The following AGBL4 variants were observed in gnomAD, a reference collection of about 807,000 sequenced individuals.
AGBL4 encodes the protein AGBL carboxypeptidase 4.
A neutral mutation model predicts 66.4 loss-of-function variants in AGBL4; 58 were observed. The observed-to-expected ratio is 0.87, with a 90% CI of 0.71 to 1.09. The LOEUF (loss-of-function observed/expected upper bound fraction) is 1.09. Ranked by LOEUF, AGBL4 falls within the 50% of genes least tolerant of loss-of-function variation. The pLI is 0.00. For synonymous variants in AGBL4, 234 were observed against 222.9 expected, an observed-to-expected ratio of 1.05 and a Z score of -0.44; for missense variants, 579 against 631.0, an observed-to-expected ratio of 0.92 and a Z score of 0.88.
At position 49,328,879 on chromosome 1, in the gene AGBL4, A is replaced by G. The variant is rs1340656478; in HGVS notation, c.283-83015T>C. Among the ~76,000 whole-genome samples the G allele has an allele frequency of 2.6e-5, 4 of 152,306 alleles. 1 individual carries two copies. In the Middle Eastern group the frequency reaches 0.01, roughly 389 times the overall value. On this transcript the variant is annotated intron_variant, in intron 3 of 13. Transcript: ENST00000371839. ...ATGCAGTGCCCTCTATCCTTGGGCC[A>G]TCTTAGTGTAGGATCTTAATTTCCT... is the stretch of plus-strand genomic sequence containing the variant.
chr1:49,677,742 T>G (rs1646608611), intron 3 of AGBL4, among the ~76,000 whole-genome samples: 1 of 152,094 alleles, frequency 6.6e-6, no homozygotes, highest in South Asian at 2.1e-4. Context: ...AGGGAGGTGA[T>G]TAGCTTTAGA....
intron 3 of AGBL4, among the ~76,000 whole-genome samples, chr1:49,585,697 A>G (rs1644635046): frequency 2.6e-5 from 4 of 152,188 alleles, no homozygotes; most frequent in Admixed American, 2.6e-4. Context: ...CTATTATATA[A>G]TAAATATGCT....
intron 5 of AGBL4, among the ~76,000 whole-genome samples, chr1:48,945,515 G>T (rs2148920676): frequency 6.6e-6 from 1 of 152,140 alleles, no homozygotes; most frequent in Middle Eastern, 3.4e-3. Context: ...AACTTCTTCG[G>T]GCCTTAGATC....
At chr1:48,848,996 A>C (rs991034074) in intron 6 of AGBL4, among the ~76,000 whole-genome samples, 5 of 152,214 alleles carry the variant, frequency 3.3e-5, no homozygotes, top group African/African-American at 1.2e-4. Flanking sequence ...GGTTGTTTAA[A>C]CTTTACCAAA....
chr1:49,186,927 T>A (rs944197844), intron 4 of AGBL4, among the ~76,000 whole-genome samples: 4 of 152,012 alleles, frequency 2.6e-5, no homozygotes, highest in African/African-American at 9.7e-5. Flanking sequence ...TGCTGGAGAT[T>A]AAAACTATGT....
intron 9 of AGBL4, 95 bp downstream of exon 9, chr1:48,634,397 TA>T: frequency 9.8e-7 from 1 of 1,020,498 alleles, no homozygotes; most frequent in Non-Finnish European, 1.4e-6. Context: ...TATGTATTCC[TA>T]ATTTGCAGCT....
chr1:49,898,778 C>T (rs1445250622), intron 1 of AGBL4, among the ~76,000 whole-genome samples: 1 of 152,024 alleles, frequency 6.6e-6, no homozygotes, highest in African/African-American at 2.4e-5. Flanking sequence ...AAAGTACTAT[C>T]CAGCCATAAA....
At chr1:49,415,671 A>G (rs1024302610) in intron 3 of AGBL4, among the ~76,000 whole-genome samples, 1 of 152,156 alleles carries the variant, frequency 6.6e-6, no homozygotes, top group African/African-American at 2.4e-5. Context: ...ATGGATTTTA[A>G]GGAGGTTAAT....
At chr1:48,784,180 C>T (rs981024431) in intron 6 of AGBL4, among the ~76,000 whole-genome samples, 1 of 152,098 alleles carries the variant, frequency 6.6e-6, no homozygotes, top group African/African-American at 2.4e-5. Context: ...ATGAGATAAT[C>T]TATGTAAAAT....
rs12041082 is a variant in AGBL4 at position 48,590,096 on chromosome 1, C to A, written c.1104+737G>T. Among the ~76,000 whole-genome samples the A allele has an allele frequency of 9.9e-5, 15 of 152,192 alleles. No individual in the cohort carries two copies. In the East Asian group the frequency reaches 2.7e-3, roughly 27 times the overall value. On this transcript the variant is annotated intron_variant, in intron 10 of 13. Coordinates refer to ENST00000371839, the MANE Select transcript of AGBL4 (RefSeq NM_032785.4). ...GACCCTGTCTCTACAAAATAAATAA[C>A]TAAATTTTTAAAAATTAGCCAGTAG...
chr1:48,629,647 T>C (rs1645562382), intron 9 of AGBL4, among the ~76,000 whole-genome samples: 1 of 151,810 alleles, frequency 6.6e-6, no homozygotes, highest in Non-Finnish European at 1.5e-5. Context: ...GGGGGTAAAA[T>C]GGGGTAGATG....
chr1:49,825,041 C>A, intron 2 of AGBL4, among the ~76,000 whole-genome samples: 1 of 151,278 alleles, frequency 6.6e-6, no homozygotes, highest in Non-Finnish European at 1.5e-5. Flanking sequence ...AGTAAGTAAC[C>A]ACCCTGATAA....
intron 4 of AGBL4, among the ~76,000 whole-genome samples, chr1:49,243,626 T>G (rs768999062): frequency 5.3e-5 from 8 of 151,800 alleles, no homozygotes; most frequent in Non-Finnish European, 8.9e-5. Context: ...AGATCTTTTA[T>G]AGCATATTCA....
chr1:50,013,613 T>C (rs1361319711), intron 1 of AGBL4, among the ~76,000 whole-genome samples: 2 of 152,318 alleles, frequency 1.3e-5, no homozygotes, highest in East Asian at 3.9e-4. Flanking sequence ...TGGTACATCA[T>C]TGGTAATGAC....
chr1:49,901,700 T>C (rs1649781240), intron 1 of AGBL4, among the ~76,000 whole-genome samples: 1 of 152,146 alleles, frequency 6.6e-6, no homozygotes, highest in South Asian at 2.1e-4. Flanking sequence ...TCAAAATTCA[T>C]ATGGAACCAA....
At chr1:48,573,423 C>G (rs1179455984) in intron 11 of AGBL4, among the ~76,000 whole-genome samples, 1 of 152,136 alleles carries the variant, frequency 6.6e-6, no homozygotes, top group East Asian at 1.9e-4. Flanking sequence ...TAACATATTT[C>G]CTCAACACCA....
chr1:49,957,505 T>C (rs1571957575), intron 1 of AGBL4, among the ~76,000 whole-genome samples: 1 of 151,878 alleles, frequency 6.6e-6, no homozygotes, highest in Non-Finnish European at 1.5e-5. Context: ...AGTCTCTTTG[T>C]AGGTCTCTAA....
chr1:49,969,697 T>C (rs1657888522), intron 1 of AGBL4, among the ~76,000 whole-genome samples: 1 of 152,206 alleles, frequency 6.6e-6, no homozygotes, highest in Non-Finnish European at 1.5e-5. Context: ...TTCCTTCTCT[T>C]TTAAAAAGCT....
At chr1:48,840,126 G>A (rs1416956302) in intron 6 of AGBL4, among the ~76,000 whole-genome samples, 5 of 152,090 alleles carry the variant, frequency 3.3e-5, no homozygotes, top group Admixed American at 2.0e-4. Flanking sequence ...TCTTCCACAC[G>A]TTCACGCTAC....
Sources: gnomAD v4.1 joint callset for allele counts (sites outside exome capture counted in the v4.1 genomes callset) on GRCh38, gnomAD v4.1.1 for gene constraint, MANE v1.5 for transcripts, NCBI Gene and HGNC (gene_info 2026-07-23, HGNC 2026-07-21) for gene names.